Variants in NRDC observed in about 807,000 individuals in gnomAD.
NRDC encodes the protein nardilysin convertase, also known as nardilysin.
Under a neutral mutation model 147.1 loss-of-function variants are expected in NRDC, and 54 were observed. That is an observed-to-expected ratio of 0.37 (90% CI 0.29 to 0.46). NRDC has a LOEUF of 0.46. Among genes scored for constraint, NRDC ranks in the 20% least tolerant of loss-of-function variants. The probability of loss-of-function intolerance (pLI) is 1.00; values close to 1 mark genes in which losing one functional copy is unlikely to be tolerated. For missense variants in NRDC, 1,082 were observed against 1,370.6 expected (o/e 0.79, Z 3.33); for synonymous variants, 440 against 482.1 (o/e 0.91, Z 1.14).
At chr1:51,791,049 A>G in intron 27 of NRDC, 59 bp from the exon 28 acceptor site, 2 of 1,216,684 alleles carry the variant, frequency 1.6e-6, no homozygotes, top group Admixed American at 3.7e-5. Flanking sequence ...AAGTCATCAG[A>G]AACCCGATCT....
intron 1 of NRDC, among the ~76,000 whole-genome samples, chr1:51,872,877 T>C (rs531375787): frequency 6.7e-6 from 1 of 149,154 alleles, no homozygotes; most frequent in African/African-American, 2.4e-5. Flanking sequence ...ACCTTTACTT[T>C]ACAAGACAAG....
intron 3 of NRDC, among the ~76,000 whole-genome samples, 192 bp from the exon 4 acceptor site, chr1:51,834,362 A>C (rs1680847599): frequency 6.6e-6 from 1 of 151,492 alleles, no homozygotes; most frequent in Non-Finnish European, 1.5e-5. Context: ...ACAGTGGTGC[A>C]ATCTTGGCTC....
At chr1:51,804,216 T>G (rs960653678) in intron 19 of NRDC, among the ~76,000 whole-genome samples, 2 of 152,200 alleles carry the variant, frequency 1.3e-5, no homozygotes, top group Non-Finnish European at 2.9e-5. Context: ...TATTGTACAA[T>G]GAGGTAAATG....
At position 51,809,391 on chromosome 1, in the gene NRDC, G is replaced by A. The variant is rs1679610391; in HGVS notation, c.1914C>T (p.Asn638=). 1.2e-6 allele frequency: 2 copies of A among 1,609,126 alleles called. No individual in the cohort carries two copies. Among genetic ancestry groups the A allele is most frequent in the East Asian group, 2.2e-5 (1 of 44,844 alleles). The change falls in exon 17 of 31, where the codon AAC becomes AAT. Residue 638 remains asparagine, a synonymous_variant. Transcript: ENST00000352171. ...TACTATTCCACAGTTCAGCCCAAGA[G>A]TTTTCAATATCTGTAAAGGAGAAAA... ...GTQYSIEDIE[N]SWAELWNSNF... is the part of the protein sequence containing the mutation.
chr1:51,869,439 T>G (rs1264594163), intron 1 of NRDC, among the ~76,000 whole-genome samples: 1 of 152,168 alleles, frequency 6.6e-6, no homozygotes, highest in African/African-American at 2.4e-5. Context: ...TGTACATATA[T>G]ATGAATACGT....
At chr1:51,822,091 C>T (rs964622914) in intron 7 of NRDC, among the ~76,000 whole-genome samples, 2 of 151,650 alleles carry the variant, frequency 1.3e-5, no homozygotes, top group African/African-American at 4.8e-5. Context: ...TCCTTTGATT[C>T]ACTTCTTATA....
intron 2 of NRDC, among the ~76,000 whole-genome samples, chr1:51,838,949 T>C (rs1681121226): frequency 6.6e-6 from 1 of 152,018 alleles, no homozygotes. Context: ...TGGTCTATCA[T>C]GCTACCCAAA....
At chr1:51,876,783 T>C (rs1391877061) in intron 1 of NRDC, among the ~76,000 whole-genome samples, 2 of 152,224 alleles carry the variant, frequency 1.3e-5, no homozygotes, top group African/African-American at 2.4e-5. Context: ...TGGTGGGAAG[T>C]GGAAAAGATT....
At chr1:51,859,429 A>C (rs1440057915) in intron 1 of NRDC, among the ~76,000 whole-genome samples, 1 of 152,240 alleles carries the variant, frequency 6.6e-6, no homozygotes, top group Non-Finnish European at 1.5e-5. Context: ...GCCCACAGTG[A>C]GGCATGAGGA....
At chr1:51,867,381 T>C (rs1682862864) in intron 1 of NRDC, among the ~76,000 whole-genome samples, 1 of 152,042 alleles carries the variant, frequency 6.6e-6, no homozygotes, top group Admixed American at 6.6e-5. Flanking sequence ...CAAGTAAATT[T>C]ATGTCAAATG....
At chr1:51,848,114 G>A (rs72901913) in intron 1 of NRDC, among the ~76,000 whole-genome samples, 3,890 of 152,144 alleles carry the variant, frequency 0.026, 114 homozygotes, top group South Asian at 0.095. Flanking sequence ...GTCCTTTATC[G>A]TCACTACTAT....
intron 1 of NRDC, among the ~76,000 whole-genome samples, chr1:51,856,087 T>A (rs1049036112): frequency 2.6e-5 from 4 of 152,218 alleles, no homozygotes; most frequent in African/African-American, 4.8e-5. Flanking sequence ...CTGATGAATC[T>A]CAAATGGTAT....
chr1:51,819,089 G>A (rs1011720758), intron 9 of NRDC, among the ~76,000 whole-genome samples: 6 of 152,106 alleles, frequency 3.9e-5, no homozygotes, highest in Non-Finnish European at 8.8e-5. Context: ...ATCACTTGAG[G>A]CCAGGAGTTC....
At chr1:51,827,245 A>G (rs546663660) in intron 5 of NRDC, among the ~76,000 whole-genome samples, 2 of 152,314 alleles carry the variant, frequency 1.3e-5, no homozygotes, top group Admixed American at 1.3e-4. Flanking sequence ...AATGCTTTAC[A>G]TCATTATTAG....
chr1:51,837,361 C>G, intron 2 of NRDC: 2 of 870,744 alleles, frequency 2.3e-6, no homozygotes, highest in Non-Finnish European at 1.6e-6. Flanking sequence ...ACCAAACAGC[C>G]TCACTTGATA....
At chr1:51,812,383 C>T (rs999475501) in intron 14 of NRDC, among the ~76,000 whole-genome samples, 2 of 152,052 alleles carry the variant, frequency 1.3e-5, no homozygotes, top group Non-Finnish European at 2.9e-5. Context: ...CAAAAATAAG[C>T]CAGGTGTGGC....
chr1:51,850,548 T>C (rs1279868766), intron 1 of NRDC, among the ~76,000 whole-genome samples: 1 of 152,356 alleles, frequency 6.6e-6, no homozygotes, highest in African/African-American at 2.4e-5. Flanking sequence ...TAGCTAGCCT[T>C]GGAAAGTAAA....
chr1:51,866,565 G>A (rs1478277035), intron 1 of NRDC, among the ~76,000 whole-genome samples: 1 of 151,928 alleles, frequency 6.6e-6, no homozygotes, highest in Non-Finnish European at 1.5e-5. Flanking sequence ...ACAGAAAACT[G>A]TAACCAAATG....
At chr1:51,873,913 G>A (rs539034766) in intron 1 of NRDC, among the ~76,000 whole-genome samples, 1 of 151,768 alleles carries the variant, frequency 6.6e-6, no homozygotes, top group African/African-American at 2.4e-5. Context: ...TTTCGACAGG[G>A]CGTGGTAGCT....
Sources: allele counts gnomAD v4.1 joint callset (sites outside exome capture counted in the v4.1 genomes callset), GRCh38; gene constraint gnomAD v4.1.1; transcripts MANE v1.5; gene names NCBI Gene and HGNC (gene_info 2026-07-23, HGNC 2026-07-21).